Variants in CLDN2 observed in about 807,000 individuals in gnomAD.
CLDN2 encodes claudin 2, also known as claudin-2.
Under a neutral mutation model 8.2 loss-of-function variants are expected in CLDN2, and 1 was observed. The observed-to-expected ratio is 0.12, with a 90% CI of 0.04 to 0.58. The LOEUF is 0.58. Ranked by LOEUF, CLDN2 falls within the 20% of genes least tolerant of loss-of-function variation. The pLI is 0.90. For missense variants in CLDN2, 108 were observed against 172.9 expected, an observed-to-expected ratio of 0.62 and a Z score of 2.11; for synonymous variants, 70 against 70.2, an observed-to-expected ratio of 1.00 and a Z score of 0.01.
chrX:106,914,606 C>G (rs1477218830), upstream of CLDN2, among the ~76,000 whole-genome samples: 2 of 111,388 alleles, frequency 1.8e-5, no homozygotes, highest in African/African-American at 6.5e-5. Flanking sequence ...AATATAATGC[C>G]ACTTTCTTGC....
chrX:106,919,261 A>T (rs903613648), upstream of CLDN2, among the ~76,000 whole-genome samples: 2 of 111,694 alleles, frequency 1.8e-5, no homozygotes, highest in South Asian at 3.8e-4. Flanking sequence ...AGCAATGATT[A>T]TTTCTGGCTG....
intron 1 of CLDN2, among the ~76,000 whole-genome samples, chrX:106,924,370 T>A (rs1304809992): frequency 9.0e-6 from 1 of 110,780 alleles, no homozygotes; most frequent in African/African-American, 3.3e-5. Flanking sequence ...GTAGAAGGAT[T>A]TCCAAGCAGC....
rs1031193019 is a variant in CLDN2, at chrX:106,929,862, GA to G, written c.*943del. 8.1e-6 allele frequency: 1 copy of G among 123,454 alleles called. No homozygotes were observed. Among genetic ancestry groups the G allele is most frequent in the Non-Finnish European group, 1.9e-5 (1 of 53,314 alleles). 10.2% of individuals were successfully genotyped at this position (123,454 alleles called of 1,213,427 possible). On this transcript the variant is annotated 3_prime_UTR_variant, in exon 2 of 2. Coordinates refer to ENST00000336803, the MANE Select transcript of CLDN2 (RefSeq NM_020384.4). ...GGGCTATAGACAATGGTTTCCTTAG[GA>G]ACAGTAAACCAGTTTTTCTAGGGAT...
chrX:106,927,576 T>C (rs895387249), intron 1 of CLDN2, among the ~76,000 whole-genome samples: 5 of 111,733 alleles, frequency 4.5e-5, no homozygotes, highest in Non-Finnish European at 9.4e-5. Context: ...ATTTTCACCA[T>C]GGGCAGAATG....
intron 1 of CLDN2, chrX:106,903,097 C>T (rs1367983029): frequency 2.2e-5 from 27 of 1,205,103 alleles, no homozygotes; most frequent in Non-Finnish European, 2.9e-5. Flanking sequence ...GCTCTCAAGC[C>T]TAAGTTCAGG....
chrX:106,930,780 C>T lies in CLDN2; in HGVS notation c.*1859C>T, dbSNP rs767777714. 8.1e-6 allele frequency: 1 copy of T among 123,216 alleles called. No homozygotes were observed. Among genetic ancestry groups the T allele is most frequent in the Admixed American group, 9.5e-5 (1 of 10,557 alleles). The allele number at this position is 123,216 out of a possible 1,213,427, so 10.2% of individuals were successfully genotyped here. The stretch of plus-strand genomic sequence containing the variant: ...ACCCTTCGGTGGGTGGGGGCCATAT[C>T]CTAGACCTCTCTGTATCCCCCAGAC... On this transcript the variant is annotated 3_prime_UTR_variant, in exon 2 of 2. Transcript: ENST00000336803.
At chrX:106,923,069 G>A (rs759316491) in intron 1 of CLDN2, among the ~76,000 whole-genome samples, 15 of 107,511 alleles carry the variant, frequency 1.4e-4, no homozygotes, top group East Asian at 5.8e-4. Flanking sequence ...TCCACCTCCC[G>A]GTTCCAGCGA....
At chrX:106,912,862 C>T (rs1295408159) in intron 1 of CLDN2, among the ~76,000 whole-genome samples, 1 of 111,395 alleles carries the variant, frequency 9.0e-6, no homozygotes, top group Non-Finnish European at 1.9e-5. Context: ...GTAAAAAGCA[C>T]AATTTTGGAA....
intron 1 of CLDN2, chrX:106,902,218 G>T (rs1014783530): frequency 1.7e-6 from 2 of 1,164,802 alleles, no homozygotes; most frequent in Non-Finnish European, 1.2e-6. Context: ...AAGTTCCTCT[G>T]GGACAAAGAG....
At position 106,928,157 on chromosome X, in the gene CLDN2, T is replaced by C; in HGVS notation, c.-72T>C. ...ACTCTGAAATGAGGGATTAGAGGTG[T>C]TCAAGGAGCAAGAGCTTCAGCCTGA... On this transcript the variant is annotated 5_prime_UTR_variant, in exon 2 of 2. Coordinates refer to ENST00000336803, the MANE Select transcript of CLDN2 (RefSeq NM_020384.4). 2 of 808,030 alleles carry C rather than the reference T, an allele frequency of 2.5e-6. No individual in the cohort carries two copies. The allele number at this position is 808,030 out of a possible 1,213,427, so 66.6% of individuals were successfully genotyped here. A position where few individuals can be genotyped will look rare whatever the true frequency, so the allele number is the denominator to read the frequency against.
At chrX:106,912,764 T>G (rs926289539) in intron 1 of CLDN2, among the ~76,000 whole-genome samples, 2 of 110,953 alleles carry the variant, frequency 1.8e-5, no homozygotes, top group African/African-American at 6.6e-5. Context: ...TTGGCAAGTA[T>G]TTTGTTAAAA....
chrX:106,909,321 G>A (rs745710889), intron 1 of CLDN2, among the ~76,000 whole-genome samples: 13 of 111,516 alleles, frequency 1.2e-4, no homozygotes, highest in African/African-American at 3.3e-4. Context: ...ATTTGAACTC[G>A]GGGAGTCTCT....
At chrX:106,927,087 A>T (rs1933479429) in intron 1 of CLDN2, among the ~76,000 whole-genome samples, 1 of 111,576 alleles carries the variant, frequency 9.0e-6, no homozygotes, top group Non-Finnish European at 1.9e-5. Context: ...TGTCTCAAAA[A>T]GAAAGAAAGA....
chrX:106,902,436 T>C (rs896045224), intron 1 of CLDN2, among the ~76,000 whole-genome samples: 2 of 112,361 alleles, frequency 1.8e-5, no homozygotes, highest in East Asian at 5.6e-4. Context: ...TATTTACTTG[T>C]CTTTGGGCTT....
In CLDN2 at chrX:106,929,091, AAC is replaced by A; in HGVS notation, c.*172_*173del. ...CAAAGGCAGAAATGGGGGCTAGTGTAACAGCATGCAGGTTGAATTGCCAAGGA... is the reference window on the plus strand; with the variant it reads ...CAAAGGCAGAAATGGGGGCTAGTGTAAGCATGCAGGTTGAATTGCCAAGGA... On this transcript the variant is annotated 3_prime_UTR_variant, in exon 2 of 2. Coordinates refer to ENST00000336803, the MANE Select transcript of CLDN2 (RefSeq NM_020384.4). 1 of 455,730 alleles carries A rather than the reference AAC, an allele frequency of 2.2e-6. No individual in the cohort carries two copies. The highest frequency in any genetic ancestry group is 3.7e-5 in the East Asian group (1 of 26,999). The allele number at this position is 455,730 out of a possible 1,213,427, so 37.6% of individuals were successfully genotyped here. A position where few individuals can be genotyped will look rare whatever the true frequency, so the allele number is the denominator to read the frequency against.
chrX:106,910,623 A>C (rs1933237222), intron 1 of CLDN2, among the ~76,000 whole-genome samples: 1 of 109,919 alleles, frequency 9.1e-6, no homozygotes, highest in Non-Finnish European at 1.9e-5. Flanking sequence ...AAGCAGGAGA[A>C]TCGCTTGAAC....
In CLDN2 at chrX:106,925,180, C is replaced by T. The variant is rs184644318; in HGVS notation, c.-178-2871C>T. 4.6e-3 allele frequency among the ~76,000 whole-genome samples: 512 copies of T among 111,535 alleles called. 2 individuals are homozygous for T. Among genetic ancestry groups the T allele is most frequent in the African/African-American group, 0.015 (454 of 30,711 alleles). On this transcript the variant is annotated intron_variant, in intron 1 of 1. Transcript: ENST00000336803. ...GTGCCTACCACAAAAAAACCTGTGA[C>T]GACTAAATAAGTTAGCATGTAAAAA...
chrX:106,912,022 C>T (rs1291314391), intron 1 of CLDN2, among the ~76,000 whole-genome samples: 1 of 111,752 alleles, frequency 8.9e-6, no homozygotes, highest in Non-Finnish European at 1.9e-5. Flanking sequence ...ATGAACAAGG[C>T]AGGTCAGGAG....
upstream of CLDN2, among the ~76,000 whole-genome samples, chrX:106,916,042 C>T: frequency 9.2e-6 from 1 of 108,518 alleles, no homozygotes; most frequent in Non-Finnish European, 1.9e-5. Flanking sequence ...TGCACATATA[C>T]CCCTGAACCT....
Sources: gnomAD v4.1 joint callset for allele counts (sites outside exome capture counted in the v4.1 genomes callset) on GRCh38, gnomAD v4.1.1 for gene constraint, MANE v1.5 for transcripts, NCBI Gene and HGNC (gene_info 2026-07-23, HGNC 2026-07-21) for gene names.